The following SHANK2 variants were observed in gnomAD, a reference collection of about 807,000 sequenced individuals.
SHANK2 encodes the protein SH3 and multiple ankyrin repeat domains 2.
A neutral mutation model predicts 133.7 loss-of-function variants in SHANK2; 43 were observed. The observed-to-expected ratio is 0.32, with a 90% CI of 0.25 to 0.41. The LOEUF is 0.41. Ranked by LOEUF, SHANK2 falls within the 10% of genes least tolerant of loss-of-function variation. SHANK2 has a pLI of 1.00. For synonymous variants in SHANK2, 1,017 were observed against 952.8 expected (o/e 1.07, Z -1.24); for missense variants, 1,994 against 2,235.8 (o/e 0.89, Z 2.18).
chr11:70,813,453 C>A (rs1313779705), intron 12 of SHANK2, among the ~76,000 whole-genome samples: 4 of 152,040 alleles, frequency 2.6e-5, no homozygotes, highest in African/African-American at 7.2e-5. Context: ...CATTGAGGGC[C>A]CCTGTGGCCA....
At chr11:70,902,395 C>T (rs1397102474) in intron 10 of SHANK2, among the ~76,000 whole-genome samples, 1 of 152,236 alleles carries the variant, frequency 6.6e-6, no homozygotes, top group Non-Finnish European at 1.5e-5. Flanking sequence ...CATCCTCCCT[C>T]GCTGGCCTCT....
intron 17 of SHANK2, among the ~76,000 whole-genome samples, chr11:70,645,478 G>A (rs568403947): frequency 6.6e-5 from 10 of 152,208 alleles, no homozygotes; most frequent in South Asian, 2.1e-4. Flanking sequence ...AAGGCTCATC[G>A]AAAAACACTC....
intron 17 of SHANK2, among the ~76,000 whole-genome samples, chr11:70,595,354 C>T (rs2060385549): frequency 6.6e-6 from 1 of 152,220 alleles, no homozygotes; most frequent in Admixed American, 6.5e-5. Flanking sequence ...TAAAAATACG[C>T]AGCACCATCT....
chr11:70,752,539 T>C (rs1305464248), intron 14 of SHANK2, among the ~76,000 whole-genome samples: 1 of 151,950 alleles, frequency 6.6e-6, no homozygotes, highest in East Asian at 1.9e-4. Context: ...AGCCCGTCTC[T>C]ACTAAAAATA....
At chr11:70,700,629 C>T (rs1945498030) in intron 14 of SHANK2, among the ~76,000 whole-genome samples, 1 of 152,192 alleles carries the variant, frequency 6.6e-6, no homozygotes, top group Non-Finnish European at 1.5e-5. Flanking sequence ...ACACCTGTGC[C>T]CCCCTCCTCC....
At chr11:70,513,792 C>T (rs2059234007) in intron 17 of SHANK2, among the ~76,000 whole-genome samples, 1 of 152,122 alleles carries the variant, frequency 6.6e-6, no homozygotes, top group South Asian at 2.1e-4. Flanking sequence ...AATTTGAAGA[C>T]ATGCCAAGAG....
At chr11:70,741,287 C>G (rs1450554373) in intron 14 of SHANK2, among the ~76,000 whole-genome samples, 1 of 150,600 alleles carries the variant, frequency 6.6e-6, no homozygotes, top group Non-Finnish European at 1.5e-5. Flanking sequence ...ATCCATTCAT[C>G]CATCCGTGCA....
chr11:71,117,013 C>T (rs782316024), intron 4 of SHANK2, among the ~76,000 whole-genome samples: 17 of 152,128 alleles, frequency 1.1e-4, no homozygotes, highest in Non-Finnish European at 2.1e-4. Context: ...TAGCCAGCCT[C>T]AGGTTTTTTT....
intron 17 of SHANK2, among the ~76,000 whole-genome samples, chr11:70,574,144 C>G (rs1336284836): frequency 6.6e-6 from 1 of 152,268 alleles, no homozygotes; most frequent in Non-Finnish European, 1.5e-5. Context: ...GCTCACAGCA[C>G]TCATGGCGGC....
At chr11:71,070,389 T>C in intron 9 of SHANK2, among the ~76,000 whole-genome samples, 1 of 152,312 alleles carries the variant, frequency 6.6e-6, no homozygotes, top group Middle Eastern at 3.4e-3. Flanking sequence ...CCCTGCCCAC[T>C]GGTTCTTGGA....
At chr11:70,840,736 C>A (rs185470619) in intron 11 of SHANK2, among the ~76,000 whole-genome samples, 3 of 152,156 alleles carry the variant, frequency 2.0e-5, no homozygotes, top group African/African-American at 7.2e-5. Context: ...GGGGCCATAT[C>A]GGGAGGCTGG....
At chr11:70,553,755 G>C (rs564680624) in intron 17 of SHANK2, among the ~76,000 whole-genome samples, 1 of 152,322 alleles carries the variant, frequency 6.6e-6, no homozygotes, top group South Asian at 2.1e-4. Context: ...TGCCACTTGA[G>C]CTTCCAGTGA....
rs531939145 is a variant in SHANK2 at position 70,781,580 on chromosome 11, A to T, written c.1777+16863T>A. 1.5e-4 allele frequency among the ~76,000 whole-genome samples: 19 copies of T among 126,272 alleles called. 1 individual carries two copies. Among genetic ancestry groups the T allele is most frequent in the African/African-American group, 5.0e-4 (17 of 33,848 alleles). 82.8% of individuals were successfully genotyped at this position (126,272 alleles called of 152,430 possible). A position where few individuals can be genotyped will look rare whatever the true frequency, so the allele number is the denominator to read the frequency against. Reference sequence around the variant, plus strand: ...TTATTATATATATATATATATATATATATTTACTTATTTATTTATTATACT... The same window carrying T: ...TTATTATATATATATATATATATATTTATTTACTTATTTATTTATTATACT... On this transcript the variant is annotated intron_variant, in intron 14 of 25. Coordinates refer to ENST00000601538, the MANE Select transcript of SHANK2 (RefSeq NM_012309.5).
Position 71,094,488 on chromosome 11 carries a change from C to G in SHANK2, c.744+49G>C, listed in dbSNP as rs556851353. On this transcript the variant is annotated intron_variant, in intron 7 of 25. Transcript: ENST00000601538. Reference sequence around the variant, plus strand: ...GCGGGGATGGGATGGGGCAGCCGCACGGAATCAGAGCACGGGGTGGCACCC... The same window carrying G: ...GCGGGGATGGGATGGGGCAGCCGCAGGGAATCAGAGCACGGGGTGGCACCC... The G allele has an allele frequency of 1.6e-5, 25 of 1,521,882 alleles. No individual in the cohort carries two copies. The South Asian group carries it at 2.9e-4, about 18-fold the overall frequency. The allele number at this position is 1,521,882 out of a possible 1,614,324, so 94.3% of individuals were successfully genotyped here. A position where few individuals can be genotyped will look rare whatever the true frequency, so the allele number is the denominator to read the frequency against.
rs992027759 is a variant in SHANK2 at position 71,094,445 on chromosome 11, C to T, written c.744+92G>A. ...GGTGGGCCGGAACACTGTGCACGGACCCCCTAGGATGGGCACTGCGGGGAT... is the reference window on the plus strand; with the variant it reads ...GGTGGGCCGGAACACTGTGCACGGATCCCCTAGGATGGGCACTGCGGGGAT... On this transcript the variant is annotated intron_variant, in intron 7 of 25. Transcript: ENST00000601538. 34 of 1,284,830 alleles carry T rather than the reference C, an allele frequency of 2.6e-5. No homozygotes were observed. In the South Asian group the frequency reaches 3.2e-4, roughly 12 times the overall value. The allele number at this position is 1,284,830 out of a possible 1,614,324, so 79.6% of individuals were successfully genotyped here.
intron 17 of SHANK2, 113 bp downstream of exon 17, chr11:70,659,715 C>T: frequency 1.5e-6 from 2 of 1,334,000 alleles, no homozygotes; most frequent in Non-Finnish European, 2.1e-6. Context: ...TCATGGCAGC[C>T]TCCACAAGCA....
chr11:71,228,074 C>T (rs1225757388), intron 1 of SHANK2, among the ~76,000 whole-genome samples: 3 of 151,868 alleles, frequency 2.0e-5, no homozygotes, highest in Non-Finnish European at 4.4e-5. Flanking sequence ...ATAGGAGACA[C>T]CATTAAAGAC....
intron 2 of SHANK2, among the ~76,000 whole-genome samples, chr11:71,180,101 C>T (rs1254016227): frequency 6.6e-6 from 1 of 152,214 alleles, no homozygotes; most frequent in Non-Finnish European, 1.5e-5. Context: ...TGACAAGCAT[C>T]TTGCTGAATT....
At position 71,145,839 on chromosome 11, in the gene SHANK2, C is replaced by T. The variant is rs138201405; in HGVS notation, c.207+1281G>A. Among the ~76,000 whole-genome samples the T allele has an allele frequency of 2.6e-3, 401 of 152,224 alleles. 2 individuals carry two copies. The highest frequency in any genetic ancestry group is 4.4e-3 in the Non-Finnish European group (298 of 67,988). On this transcript the variant is annotated intron_variant, in intron 3 of 25. Coordinates refer to ENST00000601538, the MANE Select transcript of SHANK2 (RefSeq NM_012309.5). ...GTCGGGGTGGATGCAGAGCACTGGGCTTACCCCCTCAAGCACCTGCAGCAG... is the reference window on the plus strand; with the variant it reads ...GTCGGGGTGGATGCAGAGCACTGGGTTTACCCCCTCAAGCACCTGCAGCAG...
Sources: allele counts gnomAD v4.1 joint callset (sites outside exome capture counted in the v4.1 genomes callset), GRCh38; gene constraint gnomAD v4.1.1; transcripts MANE v1.5; gene names NCBI Gene and HGNC (gene_info 2026-07-23, HGNC 2026-07-21).